CTPS1: variants seen among roughly 807,000 people sequenced by gnomAD.
CTPS1 encodes CTP synthase 1.
A neutral mutation model predicts 80.5 loss-of-function variants in CTPS1; 25 were observed. The observed-to-expected ratio is 0.31, with a 90% CI of 0.23 to 0.43. The LOEUF (loss-of-function observed/expected upper bound fraction) is 0.43, where lower values mean the gene tolerates loss of function less well. Among genes scored for constraint, CTPS1 ranks in the 20% least tolerant of loss-of-function variants. The pLI is 1.00. For synonymous variants in CTPS1, 267 were observed against 252.5 expected, an observed-to-expected ratio of 1.06 and a Z score of -0.54; for missense variants, 442 against 725.7, an observed-to-expected ratio of 0.61 and a Z score of 4.49.
chr1:40,992,129 C>T (rs899881616), intron 7 of CTPS1, among the ~76,000 whole-genome samples: 2 of 152,194 alleles, frequency 1.3e-5, no homozygotes, highest in African/African-American at 4.8e-5. Flanking sequence ...TACTTTTTCA[C>T]TGGCTAATTT....
intron 5 of CTPS1, among the ~76,000 whole-genome samples, chr1:40,989,653 G>A (rs1642551201): frequency 6.6e-6 from 1 of 152,012 alleles, no homozygotes. Flanking sequence ...CAGAAAGAAA[G>A]AAACTTACAG....
At chr1:41,005,315 A>G (rs1558165590) in intron 12 of CTPS1, among the ~76,000 whole-genome samples, 1 of 151,866 alleles carries the variant, frequency 6.6e-6, no homozygotes, top group African/African-American at 2.4e-5. Context: ...ATGGTGGTGT[A>G]TACCTGTAAT....
At chr1:41,009,421 G>C (rs758279227) in intron 16 of CTPS1, 24 bp from the exon 17 acceptor site, 1 of 1,537,960 alleles carries the variant, frequency 6.5e-7, no homozygotes, top group East Asian at 2.3e-5. Flanking sequence ...CAATGAAGCT[G>C]TTTCTTTTGA....
chr1:41,002,466 G>T lies in CTPS1; in HGVS notation c.1189+212G>T, dbSNP rs376924838. The stretch of plus-strand genomic sequence containing the variant: ...TTATGAGCTACATGTAGATGTCGTG[G>T]AATTTTGAGAGAATGAATTGTGAAT... On this transcript the variant is annotated intron_variant, in intron 11 of 18. Coordinates refer to ENST00000650070, the MANE Select transcript of CTPS1 (RefSeq NM_001905.4). Among the ~76,000 whole-genome samples, 8 of 152,268 alleles carry T rather than the reference G, an allele frequency of 5.3e-5. No homozygotes were observed. The East Asian group carries it at 1.2e-3, about 22-fold the overall frequency.
In CTPS1 at chr1:41,007,804, G is replaced by C. The variant is rs1643072568; in HGVS notation, c.1393+259G>C. 6.6e-6 allele frequency among the ~76,000 whole-genome samples: 1 copy of C among 152,170 alleles called. No individual in the cohort carries two copies. Among genetic ancestry groups the C allele is most frequent in the African/African-American group, 2.4e-5 (1 of 41,426 alleles). On this transcript the variant is annotated intron_variant, in intron 14 of 18. Coordinates refer to ENST00000650070, the MANE Select transcript of CTPS1 (RefSeq NM_001905.4). The surrounding 1 kb of genome is among the most constrained non-coding windows in gnomAD (Gnocchi z 4.4). ...GCGCCTCAACAGAATGAGGCAGTGA[G>C]GTTACATTCATCCTTATCGGTTACT...
intron 7 of CTPS1, among the ~76,000 whole-genome samples, chr1:40,995,056 A>G (rs1642716589): frequency 6.6e-6 from 1 of 152,170 alleles, no homozygotes; most frequent in Non-Finnish European, 1.5e-5. Context: ...ACAAGATCCT[A>G]ATTCAAGTGG....
chr1:41,007,413 TTC>T lies in CTPS1; in HGVS notation c.1297-34_1297-33del. 3.8e-6 allele frequency: 6 copies of T among 1,588,916 alleles called. No homozygotes were observed. The highest frequency in any genetic ancestry group is 5.2e-6 in the Non-Finnish European group (6 of 1,157,906). On this transcript the variant is annotated intron_variant, in intron 13 of 18. Transcript: ENST00000650070. This position sits in a 1 kb window ranked among gnomAD's most constrained non-coding sequence, Gnocchi z 4.4. ...AGGTTTCTCTCTAGCGGAAGCAGAG[TTC>T]TGTAGTTGGTGTCTGTTTTCTGAAC...
Position 41,009,681 on chromosome 1 carries a change from A to G in CTPS1, c.1691+92A>G, listed in dbSNP as rs1021044202. 7 of 1,493,268 alleles carry G rather than the reference A, an allele frequency of 4.7e-6. No individual in the cohort carries two copies. In the Admixed American group the frequency reaches 1.4e-4, roughly 31 times the overall value. 92.5% of individuals were successfully genotyped at this position (1,493,268 alleles called of 1,614,324 possible). A position where few individuals can be genotyped will look rare whatever the true frequency, so the allele number is the denominator to read the frequency against. On this transcript the variant is annotated intron_variant, in intron 17 of 18. Coordinates refer to ENST00000650070, the MANE Select transcript of CTPS1 (RefSeq NM_001905.4). ...TTACAGCAACACGTCACAGTCAGTC[A>G]TAAGAAAAAAAAGCCACAGGCGCCT...
In CTPS1 at chr1:41,011,822, GCTC is replaced by G. The variant is rs1409187412; in HGVS notation, c.*178_*180del. On this transcript the variant is annotated 3_prime_UTR_variant, in exon 19 of 19. Transcript: ENST00000650070. The stretch of plus-strand genomic sequence containing the variant: ...CTTGCATGTCCCATCACGTGTACTG[GCTC>G]CTCTGTGGTGTCTGCCTGTTGCGTG... The G allele has an allele frequency of 6.6e-6, 1 of 152,102 alleles. No individual in the cohort carries two copies. The highest frequency in any genetic ancestry group is 1.5e-5 in the Non-Finnish European group (1 of 68,024). The allele number at this position is 152,102 out of a possible 1,614,324, so 9.4% of individuals were successfully genotyped here.
In CTPS1 at chr1:41,003,098, T is replaced by A. The variant is rs1194617164; in HGVS notation, c.1190-16T>A. The A allele has an allele frequency of 6.2e-7, 1 of 1,613,906 alleles. No homozygotes were observed. The highest frequency in any genetic ancestry group is 1.7e-5 in the Admixed American group (1 of 59,996). ...TTTCAATGGAGTTTTGTTTGTTTTT[T>A]CCCCCCGACTGGAAGGCGTGTGCTT... On this transcript the variant is annotated splice_polypyrimidine_tract_variant and intron_variant, in intron 11 of 18. Transcript: ENST00000650070.
chr1:40,990,629 A>G (rs918569564), intron 5 of CTPS1, among the ~76,000 whole-genome samples: 1 of 152,202 alleles, frequency 6.6e-6, no homozygotes, highest in African/African-American at 2.4e-5. Flanking sequence ...GATTTAAAAA[A>G]AAAGAAAAAG....
chr1:40,983,218 C>G, intron 1 of CTPS1, 60 bp from the exon 2 acceptor site: 2 of 1,434,106 alleles, frequency 1.4e-6, no homozygotes, highest in Admixed American at 2.0e-5. Flanking sequence ...GTGTTTGAAC[C>G]CAGATGAGTT....
chr1:40,999,295 G>A (rs565119619), intron 9 of CTPS1, among the ~76,000 whole-genome samples: 8 of 152,312 alleles, frequency 5.3e-5, no homozygotes, highest in Admixed American at 4.6e-4. Context: ...AGACAGGCTG[G>A]TGAGGGCCTG....
intron 9 of CTPS1, among the ~76,000 whole-genome samples, chr1:40,999,846 A>G (rs1642857739): frequency 1.3e-5 from 2 of 152,326 alleles, no homozygotes; most frequent in Middle Eastern, 3.4e-3. Context: ...CCACTCAGCA[A>G]TGAAAAGGAA....
chr1:40,982,302 T>C (rs984355183), intron 1 of CTPS1, among the ~76,000 whole-genome samples: 5 of 152,138 alleles, frequency 3.3e-5, no homozygotes, highest in Admixed American at 6.5e-5. Flanking sequence ...CTGATGTCCC[T>C]CTCCCCCAGT....
At chr1:40,996,118 T>G (rs1433953469) in intron 8 of CTPS1, 50 bp downstream of exon 8, 1 of 1,609,168 alleles carries the variant, frequency 6.2e-7, no homozygotes, top group Admixed American at 1.7e-5. Flanking sequence ...TACTCTTTTG[T>G]AGGGCTGGTG....
chr1:40,992,251 A>G (rs1324641557), intron 7 of CTPS1, among the ~76,000 whole-genome samples: 1 of 152,130 alleles, frequency 6.6e-6, no homozygotes, highest in Non-Finnish European at 1.5e-5. Context: ...TTAACTGCCA[A>G]ACCTCCTGGC....
chr1:40,995,703 AT>A (rs1642734877), intron 7 of CTPS1, among the ~76,000 whole-genome samples: 1 of 152,016 alleles, frequency 6.6e-6, no homozygotes, highest in Non-Finnish European at 1.5e-5. Context: ...CCAGCCATGA[AT>A]TTTTTTTAAA....
intron 9 of CTPS1, 32 bp from the exon 10 acceptor site, chr1:41,000,997 C>G: frequency 6.6e-7 from 1 of 1,517,430 alleles, no homozygotes; most frequent in Admixed American, 2.1e-5. Context: ...GGTCACGAGC[C>G]TGCTTTTCTC....
Sources: gnomAD v4.1 joint callset for allele counts (sites outside exome capture counted in the v4.1 genomes callset) on GRCh38, gnomAD v4.1.1 for gene constraint, Gnocchi (gnomAD v3.1) non-coding constraint, MANE v1.5 for transcripts, NCBI Gene and HGNC (gene_info 2026-07-23, HGNC 2026-07-21) for gene names.